SMPDL3B: variants seen among roughly 807,000 people sequenced by gnomAD.
SMPDL3B encodes the protein acid sphingomyelinase-like phosphodiesterase 3b.
A neutral mutation model predicts 37.9 loss-of-function variants in SMPDL3B; 31 were observed. That is an observed-to-expected ratio of 0.82 (90% CI 0.61 to 1.10). SMPDL3B has a LOEUF of 1.10. SMPDL3B is among the 50% of genes least tolerant of loss of function. The pLI is 0.00. For missense variants in SMPDL3B, 525 were observed against 597.8 expected (o/e 0.88, Z 1.27); for synonymous variants, 235 against 242.6 (o/e 0.97, Z 0.29).
intron 3 of SMPDL3B, among the ~76,000 whole-genome samples, chr1:27,949,641 G>C (rs939980442): frequency 2.0e-5 from 3 of 152,196 alleles, no homozygotes; most frequent in Non-Finnish European, 2.9e-5. Flanking sequence ...AGCAGGCAGG[G>C]ACTGGGGGTG....
chr1:27,949,835 T>G (rs917234087), intron 3 of SMPDL3B, among the ~76,000 whole-genome samples: 1 of 152,066 alleles, frequency 6.6e-6, no homozygotes, highest in Non-Finnish European at 1.5e-5. Context: ...CCCACCTTTT[T>G]TGGGTTCCAG....
chr1:27,941,975 C>G (rs1272229489), intron 1 of SMPDL3B, among the ~76,000 whole-genome samples: 1 of 152,122 alleles, frequency 6.6e-6, no homozygotes, highest in African/African-American at 2.4e-5. Context: ...AGCCTGGCCT[C>G]TCCTGGAGTC....
chr1:27,953,072 T>A (rs2090467018), intron 3 of SMPDL3B, 143 bp from the exon 4 acceptor site: 1 of 631,844 alleles, frequency 1.6e-6, no homozygotes, highest in African/African-American at 1.8e-5. Context: ...TTCTATCAAA[T>A]GTGGGTTTCC....
intron 1 of SMPDL3B, among the ~76,000 whole-genome samples, chr1:27,936,327 C>A (rs2148671471): frequency 6.6e-6 from 1 of 152,048 alleles, no homozygotes; most frequent in Admixed American, 6.6e-5. Context: ...GTAGTGGGTG[C>A]CTGTAGTGCC....
Position 27,953,356 on chromosome 1 carries a change from A to G in SMPDL3B, c.515A>G (p.Lys172Arg). 2 of 1,610,284 alleles carry G rather than the reference A, an allele frequency of 1.2e-6. No homozygotes were observed. Among genetic ancestry groups the G allele is most frequent in the Non-Finnish European group, 1.7e-6 (2 of 1,178,634 alleles). ...LSNESIALFK[K>R]GAFYCEKLPG... is the part of the protein sequence containing the mutation. Reference sequence around the variant, plus strand: ...AATGAGTCCATCGCTCTCTTCAAAAAAGGTACCAACACCACCTGCTCCTAT... The same window carrying G: ...AATGAGTCCATCGCTCTCTTCAAAAGAGGTACCAACACCACCTGCTCCTAT... Residue 172 changes from lysine to arginine, a missense_variant and splice_region_variant, in exon 4 of 8, where the codon AAA (lysine) becomes AGA (arginine). Physicochemically the swap from Lys to Arg is conservative, Grantham distance 26. Coordinates refer to ENST00000373894, the MANE Select transcript of SMPDL3B (RefSeq NM_014474.4).
chr1:27,953,186 T>A (rs987306210), intron 3 of SMPDL3B, 29 bp from the exon 4 acceptor site: 1 of 1,593,822 alleles, frequency 6.3e-7, no homozygotes, highest in Admixed American at 1.7e-5. Flanking sequence ...TTTGCATATA[T>A]ATTTTGATAT....
chr1:27,941,070 C>T (rs538601108), intron 1 of SMPDL3B, among the ~76,000 whole-genome samples: 1 of 152,206 alleles, frequency 6.6e-6, no homozygotes, highest in African/African-American at 2.4e-5. Flanking sequence ...GATTAGAAAC[C>T]AGATCTCCCA....
At chr1:27,940,185 A>C (rs886884826) in intron 1 of SMPDL3B, among the ~76,000 whole-genome samples, 1 of 152,148 alleles carries the variant, frequency 6.6e-6, no homozygotes, top group African/African-American at 2.4e-5. Flanking sequence ...TTGCCTGCCC[A>C]GGGACGCGCT....
chr1:27,935,390 G>GA (rs1436493434), intron 1 of SMPDL3B, 146 bp downstream of exon 1: 1 of 627,264 alleles, frequency 1.6e-6, no homozygotes, highest in Non-Finnish European at 2.8e-6. Flanking sequence ...GAGCTAGTGG[G>GA]CCTTAGCAAG....
chr1:27,950,373 CAG>C (rs1192374550), intron 3 of SMPDL3B, among the ~76,000 whole-genome samples: 2 of 152,216 alleles, frequency 1.3e-5, no homozygotes, highest in Non-Finnish European at 2.9e-5. Context: ...GACTCAAACT[CAG>C]ATCCAACTGG....
intron 1 of SMPDL3B, among the ~76,000 whole-genome samples, chr1:27,944,731 C>CTTT (rs796904879): frequency 1.5e-5 from 2 of 137,772 alleles, no homozygotes; most frequent in African/African-American, 5.3e-5. Context: ...AGACTTTTTT[C>CTTT]TTTTTTTTTT....
At chr1:27,946,785 C>G (rs942920941) in intron 2 of SMPDL3B, among the ~76,000 whole-genome samples, 4 of 152,134 alleles carry the variant, frequency 2.6e-5, no homozygotes, top group African/African-American at 9.7e-5. Context: ...GTGGGTGTGA[C>G]CAGGAAGGAC....
intron 1 of SMPDL3B, among the ~76,000 whole-genome samples, chr1:27,940,318 G>A (rs915147676): frequency 1.3e-5 from 2 of 152,192 alleles, no homozygotes; most frequent in African/African-American, 2.4e-5. Flanking sequence ...CAGTAGCCAA[G>A]GACACGCTGG....
At chr1:27,940,286 G>C (rs568152688) in intron 1 of SMPDL3B, among the ~76,000 whole-genome samples, 1 of 152,242 alleles carries the variant, frequency 6.6e-6, no homozygotes, top group African/African-American at 2.4e-5. Flanking sequence ...TGCCTGCCCT[G>C]CCCCTGCACT....
chr1:27,945,548 A>C lies in SMPDL3B; in HGVS notation c.275+103A>C. ...CATTATCTCCCTTAATCCTCACATC[A>C]GTCTCACGTGAGGCTGAGGAACCTA... On this transcript the variant is annotated intron_variant, in intron 2 of 7. Transcript: ENST00000373894. This position sits in a 1 kb window ranked among gnomAD's most constrained non-coding sequence, Gnocchi z 4.0. The C allele has an allele frequency of 1.0e-6, 1 of 955,256 alleles. No homozygotes were observed. The highest frequency in any genetic ancestry group is 1.6e-6 in the Non-Finnish European group (1 of 609,068). 59.2% of individuals were successfully genotyped at this position (955,256 alleles called of 1,614,324 possible).
chr1:27,936,224 G>A (rs776380469), intron 1 of SMPDL3B, among the ~76,000 whole-genome samples: 1 of 152,036 alleles, frequency 6.6e-6, no homozygotes, highest in African/African-American at 2.4e-5. Flanking sequence ...GGCTGAGGAG[G>A]GTGGATTGCT....
At chr1:27,951,834 G>A (rs1305847763) in intron 3 of SMPDL3B, among the ~76,000 whole-genome samples, 1 of 152,204 alleles carries the variant, frequency 6.6e-6, no homozygotes, top group Non-Finnish European at 1.5e-5. Flanking sequence ...GGGAGGCAAA[G>A]GAAGACCCTG....
rs541202277 is a variant in SMPDL3B at position 27,942,019 on chromosome 1, G to A, written c.62-3213G>A. On this transcript the variant is annotated intron_variant, in intron 1 of 7. Coordinates refer to ENST00000373894, the MANE Select transcript of SMPDL3B (RefSeq NM_014474.4). ...CACATGCACACACACAGACACACAC[G>A]CACACACACATAAACACACATGCAT... Among the ~76,000 whole-genome samples the A allele has an allele frequency of 4.0e-5, 6 of 151,302 alleles. No homozygotes were observed. In the East Asian group the frequency reaches 5.8e-4, roughly 15 times the overall value.
chr1:27,957,456 T>C (rs1417250938), intron 7 of SMPDL3B, among the ~76,000 whole-genome samples: 1 of 152,092 alleles, frequency 6.6e-6, no homozygotes, highest in Non-Finnish European at 1.5e-5. Context: ...TCAGAGGTCT[T>C]GTTTTGGACC....
Sources: gnomAD v4.1 joint callset for allele counts (sites outside exome capture counted in the v4.1 genomes callset) on GRCh38, gnomAD v4.1.1 for gene constraint, Gnocchi (gnomAD v3.1) non-coding constraint, MANE v1.5 for transcripts, NCBI Gene and HGNC (gene_info 2026-07-23, HGNC 2026-07-21) for gene names.